CNTN5: variants seen among roughly 807,000 people sequenced by gnomAD.
CNTN5 encodes contactin-5.
In CNTN5, 77 loss-of-function variants were observed where a neutral mutation model predicts 129.1. The observed-to-expected ratio is 0.60, with a 90% CI of 0.50 to 0.72. The LOEUF (loss-of-function observed/expected upper bound fraction) is 0.72, where lower values mean the gene tolerates loss of function less well. Among genes scored for constraint, CNTN5 ranks in the 30% least tolerant of loss-of-function variants. CNTN5 has a pLI of 0.00. For synonymous variants in CNTN5, 509 were observed against 465.6 expected, an observed-to-expected ratio of 1.09 and a Z score of -1.20; for missense variants, 1,478 against 1,328.8, an observed-to-expected ratio of 1.11 and a Z score of -1.75.
At chr11:99,417,080 TAA>T (rs1254671233) in intron 2 of CNTN5, among the ~76,000 whole-genome samples, 2 of 152,200 alleles carry the variant, frequency 1.3e-5, no homozygotes. Context: ...CCTTCACAGA[TAA>T]AGTGTCAATG....
At chr11:99,745,190 C>A (rs1944015256) in intron 3 of CNTN5, among the ~76,000 whole-genome samples, 1 of 152,098 alleles carries the variant, frequency 6.6e-6, no homozygotes. Flanking sequence ...CCTGCTCACC[C>A]TTATAAATTT....
At chr11:100,200,175 A>G (rs1336323770) in intron 15 of CNTN5, among the ~76,000 whole-genome samples, 1 of 151,964 alleles carries the variant, frequency 6.6e-6, no homozygotes, top group Non-Finnish European at 1.5e-5. Context: ...CCTATGGGTC[A>G]CAGGGCAGTC....
chr11:99,880,008 A>C (rs1050951908), intron 6 of CNTN5, among the ~76,000 whole-genome samples: 5 of 152,202 alleles, frequency 3.3e-5, no homozygotes, highest in African/African-American at 1.2e-4. Flanking sequence ...ATATCTTTCA[A>C]AGTGAGGTGG....
At chr11:99,579,282 C>A (rs1440626590) in intron 3 of CNTN5, among the ~76,000 whole-genome samples, 1 of 150,600 alleles carries the variant, frequency 6.6e-6, no homozygotes, top group Non-Finnish European at 1.5e-5. Context: ...CAGCTTTGTT[C>A]TTTTGGCTTA....
chr11:99,021,663 G>A (rs957761500), intron 1 of CNTN5, among the ~76,000 whole-genome samples: 1 of 152,206 alleles, frequency 6.6e-6, no homozygotes, highest in South Asian at 2.1e-4. Flanking sequence ...CTGAATGTAT[G>A]CCTTATGTTT....
intron 2 of CNTN5, among the ~76,000 whole-genome samples, chr11:99,481,333 G>A (rs1219006816): frequency 2.6e-5 from 4 of 151,992 alleles, no homozygotes; most frequent in Non-Finnish European, 5.9e-5. Flanking sequence ...TTTTTAATAT[G>A]TTCTTAAGCA....
chr11:99,675,386 G>C (rs1953231547), intron 3 of CNTN5, among the ~76,000 whole-genome samples: 1 of 152,034 alleles, frequency 6.6e-6, no homozygotes, highest in African/African-American at 2.4e-5. Context: ...TTTGGTAAAA[G>C]AGTAAAAAAA....
At chr11:99,486,460 T>C (rs1349016640) in intron 2 of CNTN5, among the ~76,000 whole-genome samples, 1 of 151,950 alleles carries the variant, frequency 6.6e-6, no homozygotes, top group African/African-American at 2.4e-5. Flanking sequence ...CAGTATATTA[T>C]TCCATTTTAG....
chr11:100,073,832 T>G (rs969682427), intron 12 of CNTN5, among the ~76,000 whole-genome samples: 3 of 152,130 alleles, frequency 2.0e-5, no homozygotes, highest in Admixed American at 1.3e-4. Context: ...CAGTTAGCCT[T>G]TTGCTCTTTT....
chr11:100,161,076 C>T (rs1453376750), intron 13 of CNTN5, among the ~76,000 whole-genome samples: 19 of 151,882 alleles, frequency 1.3e-4, no homozygotes, highest in African/African-American at 4.6e-4. Flanking sequence ...ATATTTCATG[C>T]AATTGTGTAA....
At chr11:100,079,303 T>A (rs971957662) in intron 13 of CNTN5, among the ~76,000 whole-genome samples, 1 of 152,188 alleles carries the variant, frequency 6.6e-6, no homozygotes, top group African/African-American at 2.4e-5. Context: ...CTTACCATTC[T>A]CCTTTCTTTC....
intron 3 of CNTN5, among the ~76,000 whole-genome samples, chr11:99,599,556 A>G (rs905021380): frequency 6.6e-6 from 1 of 152,172 alleles, no homozygotes; most frequent in African/African-American, 2.4e-5. Flanking sequence ...AGATGTTATT[A>G]CATTATGTAT....
intron 2 of CNTN5, among the ~76,000 whole-genome samples, chr11:99,544,506 G>A (rs1388922999): frequency 2.0e-5 from 3 of 152,170 alleles, no homozygotes; most frequent in Admixed American, 2.0e-4. Context: ...CTGAGTCAGG[G>A]ATTGAAAAAT....
At chr11:100,048,550 A>G (rs1350993881) in intron 9 of CNTN5, among the ~76,000 whole-genome samples, 1 of 152,120 alleles carries the variant, frequency 6.6e-6, no homozygotes, top group African/African-American at 2.4e-5. Context: ...TCTTTATGAA[A>G]GTTTTAGAAT....
intron 13 of CNTN5, among the ~76,000 whole-genome samples, chr11:100,142,461 T>C (rs1234129534): frequency 6.6e-6 from 1 of 152,122 alleles, no homozygotes; most frequent in African/African-American, 2.4e-5. Flanking sequence ...TACTAACTGC[T>C]CCAAAACCCA....
intron 1 of CNTN5, among the ~76,000 whole-genome samples, chr11:99,267,923 CACACA>C (rs1480626414): frequency 1.4e-4 from 7 of 51,332 alleles, no homozygotes; most frequent in Non-Finnish European, 1.7e-4. Context: ...CACACACGCA[CACACA>C]CACACACACA....
At chr11:100,201,156 T>G (rs1211745525) in intron 15 of CNTN5, among the ~76,000 whole-genome samples, 2 of 151,952 alleles carry the variant, frequency 1.3e-5, no homozygotes, top group Non-Finnish European at 2.9e-5. Context: ...TAAACCAAAT[T>G]CTCACCTAAC....
intron 3 of CNTN5, among the ~76,000 whole-genome samples, chr11:99,682,761 A>G (rs1953613962): frequency 6.6e-6 from 1 of 151,966 alleles, no homozygotes. Flanking sequence ...AAAACACATC[A>G]GTCAAATGGA....
intron 1 of CNTN5, among the ~76,000 whole-genome samples, chr11:99,262,299 GACACCCTTAAA>G (rs1178341517): frequency 2.0e-5 from 3 of 151,906 alleles, no homozygotes; most frequent in Admixed American, 2.0e-4. Flanking sequence ...CAATCTATTT[GACACCCTTAAA>G]ACAGTACTTG....
Sources: gnomAD v4.1 joint callset for allele counts (sites outside exome capture counted in the v4.1 genomes callset) on GRCh38, gnomAD v4.1.1 for gene constraint, MANE v1.5 for transcripts, NCBI Gene and HGNC (gene_info 2026-07-23, HGNC 2026-07-21) for gene names.